Variants in USP44 observed in about 807,000 individuals in gnomAD.
The protein encoded by USP44 is ubiquitin specific peptidase 44.
A neutral mutation model predicts 69.0 loss-of-function variants in USP44; 61 were observed. The observed-to-expected ratio is 0.88, with a 90% CI of 0.72 to 1.09. The LOEUF is 1.09. Among genes scored for constraint, USP44 ranks in the 50% least tolerant of loss-of-function variants. The pLI is 0.00. For missense variants in USP44, 753 were observed against 849.9 expected (o/e 0.89, Z 1.42); for synonymous variants, 297 against 295.4 (o/e 1.01, Z -0.06).
intron 1 of USP44, among the ~76,000 whole-genome samples, chr12:95,538,543 A>AGGG (rs10686641): frequency 2.7e-5 from 4 of 150,922 alleles, no homozygotes; most frequent in African/African-American, 9.8e-5. Flanking sequence ...GCATTTTAAA[A>AGGG]GGGGGGGGTC....
At position 95,517,830 on chromosome 12, in the gene USP44, A is replaced by G. The variant is rs186556454; in HGVS notation, c.*324T>C. ...TATAGAAAATACCTGAAAAAGATACATGTATATAAAATGATGCCACTTGAA... is the reference window on the plus strand; with the variant it reads ...TATAGAAAATACCTGAAAAAGATACGTGTATATAAAATGATGCCACTTGAA... On this transcript the variant is annotated 3_prime_UTR_variant, in exon 6 of 6. Transcript: ENST00000258499. 2.6e-3 allele frequency: 522 copies of G among 202,994 alleles called. 2 individuals are homozygous for G. The highest frequency in any genetic ancestry group is 0.011 in the African/African-American group (486 of 42,858). The allele number at this position is 202,994 out of a possible 1,614,324, so 12.6% of individuals were successfully genotyped here. A position where few individuals can be genotyped will look rare whatever the true frequency, so the allele number is the denominator to read the frequency against.
In USP44 at chr12:95,534,337, C is replaced by T; in HGVS notation, c.-70-11G>A. On this transcript the variant is annotated splice_polypyrimidine_tract_variant and intron_variant, in intron 1 of 5. Coordinates refer to ENST00000258499, the MANE Select transcript of USP44 (RefSeq NM_032147.5). ...TGAAGCATCTGAAAACTAAACAGAA[C>T]AATGTCAAGTGTTAATAACAAGATG... The T allele has an allele frequency of 7.7e-7, 1 of 1,290,932 alleles. No homozygotes were observed. Among genetic ancestry groups the T allele is most frequent in the Non-Finnish European group, 1.1e-6 (1 of 930,918 alleles). The allele number at this position is 1,290,932 out of a possible 1,614,324, so 80.0% of individuals were successfully genotyped here.
At position 95,518,175 on chromosome 12, in the gene USP44, C is replaced by T. The variant is rs201481925; in HGVS notation, c.2118G>A (p.Ser706=). 3.9e-5 allele frequency: 63 copies of T among 1,614,118 alleles called. No homozygotes were observed. The South Asian group carries it at 5.4e-4, about 14-fold the overall frequency. The change falls in exon 6 of 6, where the codon TCG becomes TCA. Residue 706 remains serine, a synonymous_variant. Coordinates refer to ENST00000258499, the MANE Select transcript of USP44 (RefSeq NM_032147.5). ...SQHPNEDADT[S]SNEILS is the part of the protein sequence containing the mutation. ...TGGATCAGCTAAGGATTTCATTAGA[C>T]GAGGTATCAGCGTCTTCATTGGGAT...
Position 95,529,082 on chromosome 12 carries a change from C to T in USP44, c.1429-80G>A, listed in dbSNP as rs933071338. 5.6e-6 allele frequency: 7 copies of T among 1,248,480 alleles called. No individual in the cohort carries two copies. In the African/African-American group the frequency reaches 7.7e-5, roughly 14 times the overall value. 77.3% of individuals were successfully genotyped at this position (1,248,480 alleles called of 1,614,324 possible). A position where few individuals can be genotyped will look rare whatever the true frequency, so the allele number is the denominator to read the frequency against. ...CTCTTTTCACTAGAGGTCACTGCCA[C>T]TAAATAAACTTTTCTCATGAAAATG... is the stretch of plus-strand genomic sequence containing the variant. On this transcript the variant is annotated intron_variant, in intron 2 of 5. Coordinates refer to ENST00000258499, the MANE Select transcript of USP44 (RefSeq NM_032147.5).
Position 95,526,344 on chromosome 12 carries a change from G to A in USP44, c.1625-1556C>T, listed in dbSNP as rs375666697. 5.5e-4 allele frequency among the ~76,000 whole-genome samples: 84 copies of A among 152,302 alleles called. 2 individuals carry two copies. In the South Asian group the frequency reaches 0.013, roughly 24 times the overall value. On this transcript the variant is annotated intron_variant, in intron 3 of 5. Coordinates refer to ENST00000258499, the MANE Select transcript of USP44 (RefSeq NM_032147.5). The stretch of plus-strand genomic sequence containing the variant: ...TCCCAGCGCTTTGGAAGGCAGAGGC[G>A]GGTGGATCACGAGGTCAGGAGATCG...
chr12:95,544,389 G>A (rs1473413823), intron 1 of USP44, among the ~76,000 whole-genome samples: 12 of 152,042 alleles, frequency 7.9e-5, no homozygotes, highest in African/African-American at 2.9e-4. Context: ...AAACTTTTCA[G>A]CCAGCCACTC....
At chr12:95,519,504 G>A (rs546958121) in intron 5 of USP44, among the ~76,000 whole-genome samples, 93 of 137,328 alleles carry the variant, frequency 6.8e-4, no homozygotes, top group Non-Finnish European at 1.1e-3. Context: ...CAGTGGCGCA[G>A]TCTCGGCTCA....
intron 1 of USP44, chr12:95,546,601 C>T (rs1205732261): frequency 1.3e-5 from 2 of 152,214 alleles, no homozygotes; most frequent in Non-Finnish European, 2.9e-5. Flanking sequence ...GCCCGTGCCC[C>T]AGCCTCTCGC....
In USP44 at chr12:95,548,682, C is replaced by T. The variant is rs2077657969; in HGVS notation, c.-71+2590G>A. The T allele has an allele frequency of 6.6e-6, 1 of 152,172 alleles. No individual in the cohort carries two copies. Among genetic ancestry groups the T allele is most frequent in the Admixed American group, 6.5e-5 (1 of 15,286 alleles). The allele number at this position is 152,172 out of a possible 1,614,324, so 9.4% of individuals were successfully genotyped here. On this transcript the variant is annotated intron_variant, in intron 1 of 5. Transcript: ENST00000258499. This position sits in a 1 kb window ranked among gnomAD's most constrained non-coding sequence, Gnocchi z 4.1. ...CGAGAATAGGCCCCCAGGTGCCTCC[C>T]GGCCCCGGGGGCTGCCGTCGCACGT...
At position 95,524,789 on chromosome 12, in the gene USP44, C is replaced by T. The variant is rs1441895986; in HGVS notation, c.1625-1G>A. 1 of 1,591,012 alleles carries T rather than the reference C, an allele frequency of 6.3e-7. No individual in the cohort carries two copies. Among genetic ancestry groups the T allele is most frequent in the Middle Eastern group, 1.7e-4 (1 of 5,930 alleles). On this transcript the variant is annotated splice_acceptor_variant, in intron 3 of 5. Transcript: ENST00000258499. LOFTEE classifies it high-confidence loss of function. ...TTGGAGGAAAACCTTCTACGCTTTG[C>T]TGTAACATCAAAGAAAGAATAAAAA...
chr12:95,532,081 C>A (rs925091139), intron 2 of USP44, among the ~76,000 whole-genome samples: 1 of 152,156 alleles, frequency 6.6e-6, no homozygotes, highest in African/African-American at 2.4e-5. Flanking sequence ...CAGACCATGA[C>A]CCTTTGATTT....
At position 95,517,038 on chromosome 12, in the gene USP44, GA is replaced by G. The variant is rs1334405764; in HGVS notation, c.*1115del. Reference sequence around the variant, plus strand: ...AAACCCAGTGAGATTATCAGAAGAAGAAAAAGAGTGACTCACACTGTATTTT... The same window carrying G: ...AAACCCAGTGAGATTATCAGAAGAAGAAAAGAGTGACTCACACTGTATTTT... On this transcript the variant is annotated 3_prime_UTR_variant, in exon 6 of 6. Transcript: ENST00000258499. 1.4e-5 allele frequency: 2 copies of G among 146,560 alleles called. No individual in the cohort carries two copies. Among genetic ancestry groups the G allele is most frequent in the Admixed American group, 6.8e-5 (1 of 14,642 alleles). 9.1% of individuals were successfully genotyped at this position (146,560 alleles called of 1,614,324 possible). A position where few individuals can be genotyped will look rare whatever the true frequency, so the allele number is the denominator to read the frequency against.
In USP44 at chr12:95,534,108, C is replaced by T. The variant is rs531948554; in HGVS notation, c.149G>A (p.Gly50Glu). ...ACLSCSHVAC[G>E]RYIEEHALKH... ...GAGTGCATGCTCTTCAATATATCTTCCACAGGCAACATGGGAGCAGCTAAG... is the reference window on the plus strand; with the variant it reads ...GAGTGCATGCTCTTCAATATATCTTTCACAGGCAACATGGGAGCAGCTAAG... The change falls in exon 2 of 6, where the codon GGA (glycine) becomes GAA (glutamate). Residue 50 changes from glycine to glutamate, a missense_variant. Transcript: ENST00000258499. 3.1e-6 allele frequency: 5 copies of T among 1,614,192 alleles called. No homozygotes were observed. The South Asian group carries it at 5.5e-5, about 18-fold the overall frequency.
chr12:95,518,428 C>T, intron 5 of USP44, 75 bp from the exon 6 acceptor site: 1 of 1,442,160 alleles, frequency 6.9e-7, no homozygotes, highest in Non-Finnish European at 9.5e-7. Context: ...GAGTGAGAAG[C>T]TTTTTCTGAA....
At chr12:95,550,132 T>G (rs1462142606) in intron 1 of USP44, among the ~76,000 whole-genome samples, 2 of 136,284 alleles carry the variant, frequency 1.5e-5, no homozygotes, top group African/African-American at 5.6e-5. Flanking sequence ...TGAGCCTAGA[T>G]CCACAATTGC....
intron 1 of USP44, among the ~76,000 whole-genome samples, chr12:95,550,775 A>AAAAAGTGAAATGGGAAG (rs1387186073): frequency 1.3e-5 from 2 of 152,128 alleles, no homozygotes; most frequent in East Asian, 3.8e-4. Context: ...AAATGAAGAG[A>AAAAAGTGAAATGGGAAG]AAAAGTGAAA....
At chr12:95,518,398 A>C in intron 5 of USP44, 45 bp from the exon 6 acceptor site, 1 of 1,593,108 alleles carries the variant, frequency 6.3e-7, no homozygotes, top group Non-Finnish European at 8.6e-7. Context: ...ACTTTAGAAA[A>C]TTCTAGTATG....
chr12:95,523,120 C>T (rs1409194570), intron 4 of USP44, among the ~76,000 whole-genome samples: 1 of 152,192 alleles, frequency 6.6e-6, no homozygotes, highest in Non-Finnish European at 1.5e-5. Flanking sequence ...AAGCCATGCC[C>T]TACACATGAC....
intron 1 of USP44, among the ~76,000 whole-genome samples, chr12:95,541,229 T>C (rs2140346701): frequency 6.6e-6 from 1 of 152,266 alleles, no homozygotes; most frequent in Non-Finnish European, 1.5e-5. Flanking sequence ...TGAGCCGAGA[T>C]GGCGCCACTA....
Sources: gnomAD v4.1 joint callset for allele counts (sites outside exome capture counted in the v4.1 genomes callset) on GRCh38, gnomAD v4.1.1 for gene constraint, Gnocchi (gnomAD v3.1) non-coding constraint, MANE v1.5 for transcripts, NCBI Gene and HGNC (gene_info 2026-07-23, HGNC 2026-07-21) for gene names.